Variants in BCKDHA observed in about 807,000 individuals in gnomAD.
The protein encoded by BCKDHA is 2-oxoisovalerate dehydrogenase subunit alpha, mitochondrial.
BCKDHA carries 43 observed loss-of-function variants against 52.2 expected under a neutral mutation model. That is an observed-to-expected ratio of 0.82 (90% confidence interval 0.64 to 1.06). BCKDHA has a LOEUF of 1.06. BCKDHA is among the 50% of genes least tolerant of loss of function. BCKDHA has a pLI of 0.00. For missense variants in BCKDHA, 527 were observed against 621.3 expected (o/e 0.85, Z 1.61); for synonymous variants, 234 against 247.9 (o/e 0.94, Z 0.53).
chr19:41,411,113 G>C (rs774803865), intron 3 of BCKDHA, 104 bp downstream of exon 3: 153 of 1,297,226 alleles, frequency 1.2e-4, no homozygotes, highest in Non-Finnish European at 1.5e-4. Context: ...ATTCTTTTTT[G>C]GGGGGGTTCC....
At chr19:41,413,799 G>A (rs937874450) in intron 3 of BCKDHA, among the ~76,000 whole-genome samples, 3 of 152,056 alleles carry the variant, frequency 2.0e-5, no homozygotes, top group Non-Finnish European at 4.4e-5. Flanking sequence ...GGTCCTCACC[G>A]ATGCCCTTCC....
chr19:41,424,632 C>G lies in BCKDHA; in HGVS notation c.*24C>G. ...GAGACCTGCTCAGCCCACCCCCACC[C>G]ATCCTCAGCTACCCCGAGAGGTAGC... On this transcript the variant is annotated 3_prime_UTR_variant, in exon 9 of 9. Transcript: ENST00000269980. The G allele has an allele frequency of 1.3e-6, 2 of 1,562,624 alleles. No individual in the cohort carries two copies. The highest frequency in any genetic ancestry group is 1.2e-5 in the South Asian group (1 of 83,178).
At position 41,419,295 on chromosome 19, in the gene BCKDHA, G is replaced by C. The variant is rs973936708; in HGVS notation, c.645G>C (p.Gln215His). The change falls in exon 5 of 9, where the codon CAG (glutamine) becomes CAC (histidine). Residue 215 changes from glutamine (Q) to histidine (H), a missense_variant and splice_region_variant. By Grantham distance (24) the Gln-to-His change is conservative (BLOSUM62 0). Transcript: ENST00000269980. ...ISSPLATQIP[Q>H]AVGAAYAAKR... is the part of the protein sequence containing the mutation. ...CTCCACTGGCCACGCAGATCCCTCAGGGTGAGGATGCATGCCCTGTACCTT... is the reference window on the plus strand; with the variant it reads ...CTCCACTGGCCACGCAGATCCCTCACGGTGAGGATGCATGCCCTGTACCTT... 2 of 1,612,416 alleles carry C rather than the reference G, an allele frequency of 1.2e-6. No homozygotes were observed. The highest frequency in any genetic ancestry group is 1.7e-6 in the Non-Finnish European group (2 of 1,179,200).
chr19:41,423,945 A>G (rs1208442051), intron 8 of BCKDHA, among the ~76,000 whole-genome samples: 2 of 151,652 alleles, frequency 1.3e-5, no homozygotes, highest in African/African-American at 4.8e-5. Flanking sequence ...GTGATTGGAG[A>G]TGGCGCCACT....
chr19:41,419,010 A>C, intron 4 of BCKDHA, 125 bp from the exon 5 acceptor site: 1 of 1,152,796 alleles, frequency 8.7e-7, no homozygotes, highest in Non-Finnish European at 1.3e-6. Flanking sequence ...TCTGAACATC[A>C]GTCTTCCTCT....
Position 41,410,660 on chromosome 19 carries a change from GT to G in BCKDHA, c.136del (p.Ser46HisfsTer17). 1 of 1,614,212 alleles carries G rather than the reference GT, an allele frequency of 6.2e-7. No homozygotes were observed. On this transcript the variant is annotated frameshift_variant, in exon 2 of 9. Transcript: ENST00000269980. LOFTEE classifies it high-confidence loss of function. ...RSHPPRQQQQ[F>X]SSLDDKPQFP... ...AGCACCCCCCCAGGCAGCAGCAGCAGTTTTCATCTCTGGATGACAAGCCCCA... is the reference window on the plus strand; with the variant it reads ...AGCACCCCCCCAGGCAGCAGCAGCAGTTTCATCTCTGGATGACAAGCCCCA...
intron 1 of BCKDHA, among the ~76,000 whole-genome samples, chr19:41,403,907 C>T (rs1473340012): frequency 6.6e-6 from 1 of 152,218 alleles, no homozygotes; most frequent in Non-Finnish European, 1.5e-5. Context: ...ACTATACATC[C>T]TGCCTCCTCT....
chr19:41,404,275 C>T (rs532845357), intron 1 of BCKDHA, among the ~76,000 whole-genome samples: 7 of 151,158 alleles, frequency 4.6e-5, no homozygotes, highest in Non-Finnish European at 7.4e-5. Flanking sequence ...CCACTGTGCC[C>T]GGCCAAAATT....
chr19:41,420,661 G>A (rs2039354835), intron 5 of BCKDHA, among the ~76,000 whole-genome samples: 2 of 152,138 alleles, frequency 1.3e-5, no homozygotes, highest in African/African-American at 4.8e-5. Context: ...CACAGAGGGA[G>A]AGGAGCAGGG....
chr19:41,410,800 C>A lies in BCKDHA; in HGVS notation c.272C>A (p.Pro91His), dbSNP rs755338376. Residue 91 changes from proline to histidine, a missense_variant, in exon 2 of 9, where the codon CCC becomes CAC. Pro to His is a moderately conservative substitution (Grantham distance 77, BLOSUM62 -2). Coordinates refer to ENST00000269980, the MANE Select transcript of BCKDHA (RefSeq NM_000709.4). ...GACCGGCAAGGCCAGATCATCAACC[C>A]CAGCGAGGACCCCCACGTGAGAGGC... is the stretch of plus-strand genomic sequence containing the variant. ...VMDRQGQIIN[P>H]SEDPHLPKEK... 1 of 1,614,170 alleles carries A rather than the reference C, an allele frequency of 6.2e-7. No individual in the cohort carries two copies. The highest frequency in any genetic ancestry group is 8.5e-7 in the Non-Finnish European group (1 of 1,180,022).
At position 41,410,984 on chromosome 19, in the gene BCKDHA, G is replaced by A. The variant is rs762665826; in HGVS notation, c.350G>A (p.Arg117His). Residue 117 changes from arginine (R) to histidine (H), a missense_variant, in exon 3 of 9, where the codon CGC (arginine) becomes CAC (histidine). Coordinates refer to ENST00000269980, the MANE Select transcript of BCKDHA (RefSeq NM_000709.4). ...KSMTLLNTMD[R>H]ILYESQRQGR... ...ATGACACTGCTTAACACCATGGACC[G>A]CATCCTCTATGAGTCTCAGCGGCAG... is the stretch of plus-strand genomic sequence containing the variant. The A allele has an allele frequency of 5.0e-6, 8 of 1,613,972 alleles. No homozygotes were observed. The highest frequency in any genetic ancestry group is 6.8e-6 in the Non-Finnish European group (8 of 1,180,036).
At chr19:41,417,303 A>T (rs961327744) in intron 4 of BCKDHA, among the ~76,000 whole-genome samples, 10 of 152,112 alleles carry the variant, frequency 6.6e-5, no homozygotes, top group African/African-American at 1.4e-4. Context: ...GGCACGAGCC[A>T]CTGAGCCTGA....
At chr19:41,409,369 T>C (rs2039227204) in intron 1 of BCKDHA, among the ~76,000 whole-genome samples, 1 of 152,120 alleles carries the variant, frequency 6.6e-6, no homozygotes, top group Admixed American at 6.6e-5. Context: ...ACCACCATCA[T>C]TGTTACTTGT....
At chr19:41,408,600 G>T (rs1257962863) in intron 1 of BCKDHA, among the ~76,000 whole-genome samples, 1 of 151,718 alleles carries the variant, frequency 6.6e-6, no homozygotes, top group African/African-American at 2.4e-5. Flanking sequence ...GTCCTTGCAG[G>T]ACTCCTCCAG....
chr19:41,409,798 A>ATTTTT (rs10565264), intron 1 of BCKDHA, among the ~76,000 whole-genome samples: 19 of 109,122 alleles, frequency 1.7e-4, no homozygotes, highest in South Asian at 3.0e-4. Flanking sequence ...CCTCTAAGGG[A>ATTTTT]TTTTTTTTTT....
In BCKDHA at chr19:41,424,821, G is replaced by A. The variant is rs766667517; in HGVS notation, c.*213G>A. 7.3e-5 allele frequency: 41 copies of A among 559,442 alleles called. No individual in the cohort carries two copies. The Middle Eastern group carries it at 1.4e-3, about 19-fold the overall frequency. The allele number at this position is 559,442 out of a possible 1,614,324, so 34.7% of individuals were successfully genotyped here. A position where few individuals can be genotyped will look rare whatever the true frequency, so the allele number is the denominator to read the frequency against. On this transcript the variant is annotated 3_prime_UTR_variant, in exon 9 of 9. Coordinates refer to ENST00000269980, the MANE Select transcript of BCKDHA (RefSeq NM_000709.4). ...CATCTGCAGCAGTTGCTGAGGCTCC[G>A]TCAGCCCCCTCTTCACCTGTTGTTA...
chr19:41,407,145 G>A (rs1305668630), intron 1 of BCKDHA, among the ~76,000 whole-genome samples: 2 of 152,090 alleles, frequency 1.3e-5, no homozygotes, highest in Non-Finnish European at 2.9e-5. Context: ...CCTAGATTTT[G>A]TTTTTCTCTC....
rs1254167050 is a variant in BCKDHA at position 41,410,638 on chromosome 19, A to T, written c.110A>T (p.His37Leu). The change falls in exon 2 of 9, where the codon CAC (histidine) becomes CTC (leucine). Residue 37 changes from histidine to leucine, a missense_variant and splice_region_variant. Physicochemically the swap from His to Leu is moderately conservative, Grantham distance 99. Transcript: ENST00000269980. ...GGTCTCCTCTGCTCTCTTCCCCAGC[A>T]CCCCCCCAGGCAGCAGCAGCAGTTT... ...QPGARGLARS[H>L]PPRQQQQFSS... 1 of 1,613,448 alleles carries T rather than the reference A, an allele frequency of 6.2e-7. No individual in the cohort carries two copies. The highest frequency in any genetic ancestry group is 8.5e-7 in the Non-Finnish European group (1 of 1,179,916).
intron 3 of BCKDHA, 83 bp from the exon 4 acceptor site, chr19:41,413,966 G>T: frequency 8.4e-7 from 1 of 1,193,802 alleles, no homozygotes; most frequent in Non-Finnish European, 1.2e-6. Context: ...TGGAGGTGTT[G>T]GAAGCTGGGC....
Sources: gnomAD v4.1 joint callset for allele counts (sites outside exome capture counted in the v4.1 genomes callset) on GRCh38, gnomAD v4.1.1 for gene constraint, MANE v1.5 for transcripts, NCBI Gene and HGNC (gene_info 2026-07-23, HGNC 2026-07-21) for gene names.